The following REXO4 variants were observed in gnomAD, a reference collection of about 807,000 sequenced individuals.
REXO4 encodes the protein REX4 homolog, 3'-5' exonuclease.
Under a neutral mutation model 39.9 loss-of-function variants are expected in REXO4, and 29 were observed. The observed-to-expected ratio is 0.73, with a 90% confidence interval of 0.54 to 0.99. The LOEUF (loss-of-function observed/expected upper bound fraction) is 0.99. Among genes scored for constraint, REXO4 ranks in the 50% least tolerant of loss-of-function variants. The pLI is 0.00. For missense variants in REXO4, 524 were observed against 546.5 expected (o/e 0.96, Z 0.41); for synonymous variants, 184 against 206.2 (o/e 0.89, Z 0.92).
At chr9:133,410,945 G>A (rs1160058511) in intron 5 of REXO4, 40 bp downstream of exon 5, 2 of 1,490,826 alleles carry the variant, frequency 1.3e-6, no homozygotes, top group Admixed American at 3.3e-5. Context: ...AACACCCACG[G>A]AGCAGGGGCA....
chr9:133,410,063 C>A (rs1484731627), intron 5 of REXO4, among the ~76,000 whole-genome samples: 1 of 152,180 alleles, frequency 6.6e-6, no homozygotes, highest in African/African-American at 2.4e-5. Context: ...AGCATGAACA[C>A]CTCCAGCATC....
In REXO4 at chr9:133,417,830, CT is replaced by C. The variant is rs781945844; in HGVS notation, c.14del (p.Lys5ArgfsTer41). ...TCGGGGCGCGCTTGGAGGCGGGGAC[CT>C]TCGCCTTCCCCATCCTGCTGCCGTC... Reference protein sequence around the residue: MGKAKVPASKRAPSS... With the variant: MGKAXVPASKRAPSS... On this transcript the variant is annotated frameshift_variant, in exon 1 of 8. Coordinates refer to ENST00000371942, the MANE Select transcript of REXO4 (RefSeq NM_020385.4). LOFTEE classifies it high-confidence loss of function. 1 of 1,601,282 alleles carries C rather than the reference CT, an allele frequency of 6.2e-7. No homozygotes were observed. Among genetic ancestry groups the C allele is most frequent in the South Asian group, 1.1e-5 (1 of 91,026 alleles).
chr9:133,414,521 G>GT, intron 2 of REXO4, 144 bp downstream of exon 2: 1 of 791,574 alleles, frequency 1.3e-6, no homozygotes, highest in South Asian at 1.4e-5. Flanking sequence ...GGGAAAACAA[G>GT]TAACAGCGAG....
At chr9:133,412,970 T>C (rs782782226) in intron 2 of REXO4, 49 bp from the exon 3 acceptor site, 2 of 1,596,170 alleles carry the variant, frequency 1.3e-6, no homozygotes, top group African/African-American at 2.7e-5. Context: ...CTAGTGCAAC[T>C]GGTGGGGTGG....
At chr9:133,409,664 T>G (rs897224182) in intron 5 of REXO4, among the ~76,000 whole-genome samples, 1 of 152,150 alleles carries the variant, frequency 6.6e-6, no homozygotes, top group Admixed American at 6.5e-5. Context: ...TGGGCTCAAC[T>G]GATCCTCCTA....
Position 133,406,692 on chromosome 9 carries a change from A to C in REXO4, c.*261T>G. 1 of 504,668 alleles carries C rather than the reference A, an allele frequency of 2.0e-6. No homozygotes were observed. The highest frequency in any genetic ancestry group is 3.6e-6 in the Non-Finnish European group (1 of 279,406). The allele number at this position is 504,668 out of a possible 1,614,324, so 31.3% of individuals were successfully genotyped here. A position where few individuals can be genotyped will look rare whatever the true frequency, so the allele number is the denominator to read the frequency against. On this transcript the variant is annotated 3_prime_UTR_variant, in exon 8 of 8. Coordinates refer to ENST00000371942, the MANE Select transcript of REXO4 (RefSeq NM_020385.4). Reference sequence around the variant, plus strand: ...TGGCCCAGGGGGTCAGCAGTCGGTAAAGCGTGGCCAGGCGTGCCCATGGCC... The same window carrying C: ...TGGCCCAGGGGGTCAGCAGTCGGTACAGCGTGGCCAGGCGTGCCCATGGCC...
rs367819874 is a variant in REXO4 at position 133,417,806 on chromosome 9, C to A, written c.39G>T (p.Pro13=). The A allele has an allele frequency of 3.1e-6, 5 of 1,606,808 alleles. No individual in the cohort carries two copies. Among genetic ancestry groups the A allele is most frequent in the Non-Finnish European group, 4.2e-6 (5 of 1,179,814 alleles). Residue 13 remains proline (P), a synonymous_variant, in exon 1 of 8, where the codon CCG becomes CCT. Coordinates refer to ENST00000371942, the MANE Select transcript of REXO4 (RefSeq NM_020385.4). ...GACCCGGCTTAGCCACGGGGCTGCTCGGGGCGCGCTTGGAGGCGGGGACCT... is the reference window on the plus strand; with the variant it reads ...GACCCGGCTTAGCCACGGGGCTGCTAGGGGCGCGCTTGGAGGCGGGGACCT... ...KAKVPASKRA[P]SSPVAKPGPV...
chr9:133,406,289 T>A lies in REXO4; in HGVS notation c.*664A>T, dbSNP rs1416035987. 1 of 152,474 alleles carries A rather than the reference T, an allele frequency of 6.6e-6. No homozygotes were observed. The highest frequency in any genetic ancestry group is 2.4e-5 in the African/African-American group (1 of 41,452). The allele number at this position is 152,474 out of a possible 1,614,324, so 9.4% of individuals were successfully genotyped here. A position where few individuals can be genotyped will look rare whatever the true frequency, so the allele number is the denominator to read the frequency against. On this transcript the variant is annotated 3_prime_UTR_variant, in exon 8 of 8. Coordinates refer to ENST00000371942, the MANE Select transcript of REXO4 (RefSeq NM_020385.4). ...CAGCTCAAATAGCCCAAGGTTGGCA[T>A]GTCTGCCGACCTCCAGGAATAACCG...
intron 4 of REXO4, among the ~76,000 whole-genome samples, chr9:133,412,078 C>G (rs1839241852): frequency 6.6e-6 from 1 of 151,992 alleles, no homozygotes; most frequent in Non-Finnish European, 1.5e-5. Flanking sequence ...CTGGCCTGGT[C>G]TTGAAGTCAG....
At chr9:133,412,744 C>A (rs1554780482) in intron 3 of REXO4, 34 bp downstream of exon 3, 1 of 1,603,548 alleles carries the variant, frequency 6.2e-7, no homozygotes, top group Non-Finnish European at 8.5e-7. Flanking sequence ...GGCTAAGCAT[C>A]CCCAGCAGAC....
chr9:133,417,877 A>C lies in REXO4; in HGVS notation c.-33T>G, dbSNP rs1588144788. ...CCGTCCAGCGCCTGGGCCGGCGGCCACCCGAGACCCCGGCCTCCCCGGGCC... is the reference window on the plus strand; with the variant it reads ...CCGTCCAGCGCCTGGGCCGGCGGCCCCCCGAGACCCCGGCCTCCCCGGGCC... On this transcript the variant is annotated 5_prime_UTR_variant, in exon 1 of 8. Coordinates refer to ENST00000371942, the MANE Select transcript of REXO4 (RefSeq NM_020385.4). 1 of 1,585,736 alleles carries C rather than the reference A, an allele frequency of 6.3e-7. No homozygotes were observed. Among genetic ancestry groups the C allele is most frequent in the Non-Finnish European group, 8.5e-7 (1 of 1,172,678 alleles).
At position 133,412,789 on chromosome 9, in the gene REXO4, C is replaced by T. The variant is rs1554780543; in HGVS notation, c.705G>A (p.Gln235=). Residue 235 remains glutamine, a synonymous_variant, in exon 3 of 8, where the codon CAG becomes CAA. Transcript: ENST00000371942. ...TGAGACCAGCGTACCCGCCGAAGGC[C>T]TGCTCTTTCACGAGGCTGAGGCTGA... is the stretch of plus-strand genomic sequence containing the variant. The part of the protein sequence containing the change: ...GSVSLSLVKE[Q]AFGGLTRALA... The T allele has an allele frequency of 6.2e-7, 1 of 1,612,794 alleles. No homozygotes were observed.
chr9:133,410,915 C>T, intron 5 of REXO4, 70 bp downstream of exon 5: 1 of 1,172,716 alleles, frequency 8.5e-7, no homozygotes, highest in Admixed American at 1.7e-5. Flanking sequence ...AACTCCCCAA[C>T]ACAGCAAGGG....
At chr9:133,407,701 G>T in intron 7 of REXO4, 106 bp downstream of exon 7, 1 of 761,714 alleles carries the variant, frequency 1.3e-6, no homozygotes. Context: ...AGGATAAGTA[G>T]GTGCCCAAGC....
rs920671609 is a variant in REXO4 at position 133,417,990 on chromosome 9, G to A, written c.-146C>T. On this transcript the variant is annotated 5_prime_UTR_variant, in exon 1 of 8. Coordinates refer to ENST00000371942, the MANE Select transcript of REXO4 (RefSeq NM_020385.4). ...CCGTCCAGGAAAAGACTCCGGAAGAGACCCCGCACGCGTTGCGCATACCTC... is the reference window on the plus strand; with the variant it reads ...CCGTCCAGGAAAAGACTCCGGAAGAAACCCCGCACGCGTTGCGCATACCTC... The A allele has an allele frequency of 4.2e-6, 3 of 707,822 alleles. No homozygotes were observed. The highest frequency in any genetic ancestry group is 5.9e-5 in the Admixed American group (2 of 33,992). The allele number at this position is 707,822 out of a possible 1,614,324, so 43.8% of individuals were successfully genotyped here.
intron 5 of REXO4, among the ~76,000 whole-genome samples, chr9:133,409,155 C>T (rs1355950070): frequency 6.6e-6 from 1 of 152,046 alleles, no homozygotes; most frequent in Non-Finnish European, 1.5e-5. Flanking sequence ...TTAGTAGAGA[C>T]AGGGTTTTGC....
intron 4 of REXO4, 120 bp downstream of exon 4, chr9:133,412,179 A>G: frequency 9.8e-7 from 1 of 1,016,432 alleles, no homozygotes; most frequent in South Asian, 1.4e-5. Flanking sequence ...CCCCAAAAGG[A>G]GACAAGACGC....
intron 5 of REXO4, among the ~76,000 whole-genome samples, chr9:133,410,714 G>C (rs782451503): frequency 6.6e-6 from 1 of 152,190 alleles, no homozygotes; most frequent in African/African-American, 2.4e-5. Context: ...AGGTAAAAGG[G>C]GTATCAGCAC....
At chr9:133,410,929 G>A in intron 5 of REXO4, 56 bp downstream of exon 5, 3 of 1,303,180 alleles carry the variant, frequency 2.3e-6, no homozygotes, top group Non-Finnish European at 1.1e-6. Context: ...GCAAGGGCGT[G>A]AGTGTAACAC....
Sources: gnomAD v4.1 joint callset for allele counts (sites outside exome capture counted in the v4.1 genomes callset) on GRCh38, gnomAD v4.1.1 for gene constraint, MANE v1.5 for transcripts, NCBI Gene and HGNC (gene_info 2026-07-23, HGNC 2026-07-21) for gene names.